MTUS2: variants seen among roughly 807,000 people sequenced by gnomAD.
MTUS2 encodes microtubule-associated tumor suppressor candidate 2.
A neutral mutation model predicts 114.1 loss-of-function variants in MTUS2; 40 were observed. The observed-to-expected ratio is 0.35, with a 90% CI of 0.27 to 0.46. The LOEUF is 0.46. Among genes scored for constraint, MTUS2 ranks in the 20% least tolerant of loss-of-function variants. The pLI, the probability that MTUS2 is intolerant of heterozygous loss-of-function variation, is 1.00. For missense variants in MTUS2, 1,679 were observed against 1,705.4 expected, an observed-to-expected ratio of 0.98 and a Z score of 0.27; for synonymous variants, 688 against 672.0, an observed-to-expected ratio of 1.02 and a Z score of -0.37.
At chr13:29,172,920 G>A (rs1016508861) in intron 5 of MTUS2, among the ~76,000 whole-genome samples, 3 of 152,166 alleles carry the variant, frequency 2.0e-5, no homozygotes, top group Non-Finnish European at 4.4e-5. Context: ...TCCTAGGTAA[G>A]ACCAAATTAA....
chr13:29,281,674 T>A, intron 5 of MTUS2, 30 bp from the exon 6 acceptor site: 1 of 1,562,636 alleles, frequency 6.4e-7, no homozygotes, highest in Non-Finnish European at 8.7e-7. Context: ...TTCATGAAGT[T>A]ATAATTAACA....
At chr13:29,136,421 A>G (rs1341346260) in intron 5 of MTUS2, among the ~76,000 whole-genome samples, 3 of 152,156 alleles carry the variant, frequency 2.0e-5, no homozygotes, top group African/African-American at 4.8e-5. Flanking sequence ...GGCCCCTTAG[A>G]TAGCTTCAGG....
At chr13:29,246,062 A>G (rs902072306) in intron 5 of MTUS2, among the ~76,000 whole-genome samples, 5 of 152,196 alleles carry the variant, frequency 3.3e-5, no homozygotes, top group African/African-American at 9.7e-5. Context: ...ATCCTGGTAT[A>G]TTTATGTCAT....
chr13:29,446,753 G>A (rs996684295), intron 9 of MTUS2, among the ~76,000 whole-genome samples: 5 of 152,154 alleles, frequency 3.3e-5, no homozygotes, highest in Non-Finnish European at 5.9e-5. Flanking sequence ...TCATCTTAGT[G>A]TTGCTAGGGT....
chr13:28,896,249 C>T (rs886624837), intron 2 of MTUS2, among the ~76,000 whole-genome samples: 1 of 151,970 alleles, frequency 6.6e-6, no homozygotes, highest in Non-Finnish European at 1.5e-5. Flanking sequence ...CATTCTTATA[C>T]ACCAATAACA....
chr13:28,886,926 C>T (rs3001945), intron 2 of MTUS2, among the ~76,000 whole-genome samples: 30,085 of 152,120 alleles, frequency 0.2, 4,044 homozygotes, highest in African/African-American at 0.38. Flanking sequence ...GATTTTGAAG[C>T]GCCTGTAGGG....
intron 8 of MTUS2, among the ~76,000 whole-genome samples, chr13:29,426,636 T>G (rs893923970): frequency 1.3e-5 from 2 of 152,348 alleles, no homozygotes; most frequent in Admixed American, 1.3e-4. Context: ...GTATTTGTCC[T>G]TTTGTGACTG....
intron 9 of MTUS2, among the ~76,000 whole-genome samples, chr13:29,460,125 A>G (rs990630321): frequency 2.0e-5 from 3 of 152,234 alleles, no homozygotes; most frequent in Non-Finnish European, 4.4e-5. Context: ...AAGTTAGGTC[A>G]TGTTATCTCT....
intron 7 of MTUS2, among the ~76,000 whole-genome samples, chr13:29,348,053 A>G (rs1252219355): frequency 6.6e-6 from 1 of 151,392 alleles, no homozygotes; most frequent in African/African-American, 2.4e-5. Context: ...TCTGAATCCT[A>G]TACTTTAGGG....
chr13:28,835,121 T>C lies in MTUS2; in HGVS notation c.-315-4657T>C, dbSNP rs373201647. Among the ~76,000 whole-genome samples the C allele has an allele frequency of 1.1e-4, 16 of 152,324 alleles. No homozygotes were observed. In the East Asian group the frequency reaches 2.9e-3, roughly 28 times the overall value. On this transcript the variant is annotated intron_variant, in intron 1 of 15. Transcript: ENST00000612955. ...AAACAGTTGATAGTTACTCAAATTA[T>C]AGGCATAGAGTAACAACATGACCCA...
At chr13:29,474,967 A>T (rs1255777781) in intron 9 of MTUS2, among the ~76,000 whole-genome samples, 1 of 152,162 alleles carries the variant, frequency 6.6e-6, no homozygotes, top group East Asian at 1.9e-4. Context: ...GTGATAAATA[A>T]TTTTTTCCCA....
At chr13:28,825,749 A>G (rs1057399079) in intron 1 of MTUS2, among the ~76,000 whole-genome samples, 1 of 152,208 alleles carries the variant, frequency 6.6e-6, no homozygotes, top group African/African-American at 2.4e-5. Flanking sequence ...TCATTTTTTA[A>G]GCTGTTAGCT....
chr13:29,258,039 A>G (rs1897337175), intron 5 of MTUS2, among the ~76,000 whole-genome samples: 1 of 152,210 alleles, frequency 6.6e-6, no homozygotes, highest in South Asian at 2.1e-4. Flanking sequence ...GGAGTTTTCT[A>G]TTGCTGCCTA....
intron 8 of MTUS2, among the ~76,000 whole-genome samples, chr13:29,389,331 A>ACGTGTG (rs1872903627): frequency 1.4e-5 from 1 of 69,248 alleles, no homozygotes; most frequent in Non-Finnish European, 3.4e-5. Context: ...ATATGTGTGT[A>ACGTGTG]TATATGTATG....
intron 8 of MTUS2, among the ~76,000 whole-genome samples, chr13:29,409,021 A>G (rs1424156387): frequency 6.6e-6 from 1 of 152,188 alleles, no homozygotes; most frequent in African/African-American, 2.4e-5. Context: ...AGTAGTTTCA[A>G]TTGTTCATCC....
chr13:29,041,793 A>G (rs1283426177), intron 4 of MTUS2, among the ~76,000 whole-genome samples: 3 of 152,192 alleles, frequency 2.0e-5, no homozygotes, highest in South Asian at 2.1e-4. Flanking sequence ...TAGCAGTGCT[A>G]CTGATCTGTG....
chr13:28,992,363 CA>C, intron 2 of MTUS2, among the ~76,000 whole-genome samples: 1 of 152,230 alleles, frequency 6.6e-6, no homozygotes, highest in East Asian at 1.9e-4. Flanking sequence ...GTTTCAGAGC[CA>C]AAAGACAGCA....
At chr13:29,003,596 C>G (rs909582712) in intron 2 of MTUS2, among the ~76,000 whole-genome samples, 1 of 152,192 alleles carries the variant, frequency 6.6e-6, no homozygotes, top group African/African-American at 2.4e-5. Context: ...ACTGTATCAC[C>G]AGATGTCATT....
chr13:28,875,141 GT>G (rs1877856071), intron 2 of MTUS2, among the ~76,000 whole-genome samples: 1 of 151,272 alleles, frequency 6.6e-6, no homozygotes, highest in Admixed American at 6.6e-5. Flanking sequence ...TAAGCTATTG[GT>G]TCTTGATTAG....
Sources: allele counts gnomAD v4.1 joint callset (sites outside exome capture counted in the v4.1 genomes callset), GRCh38; gene constraint gnomAD v4.1.1; transcripts MANE v1.5; gene names NCBI Gene and HGNC (gene_info 2026-07-23, HGNC 2026-07-21).